CTNND1: variants seen among roughly 807,000 people sequenced by gnomAD.
The protein encoded by CTNND1 is catenin delta-1.
A neutral mutation model predicts 112.1 loss-of-function variants in CTNND1; 16 were observed. That is an observed-to-expected ratio of 0.14 (90% confidence interval 0.10 to 0.22). CTNND1 has a LOEUF of 0.22. CTNND1 is among the 10% of genes least tolerant of loss of function. The pLI is 1.00. For missense variants in CTNND1, 1,008 were observed against 1,257.0 expected (o/e 0.80, Z 3.00); for synonymous variants, 420 against 446.5 (o/e 0.94, Z 0.75).
chr11:57,807,605 CA>C (rs71470294), intron 12 of CTNND1, among the ~76,000 whole-genome samples: 1,526 of 29,180 alleles, frequency 0.052, 5 homozygotes, highest in African/African-American at 0.18. Flanking sequence ...AACTCCGTCT[CA>C]AAAAAAAAAA....
At chr11:57,808,061 C>T in intron 12 of CTNND1, 104 bp from the exon 13 acceptor site, 1 of 1,255,570 alleles carries the variant, frequency 8.0e-7, no homozygotes, top group Non-Finnish European at 1.1e-6. Flanking sequence ...GGTATAGAAG[C>T]ATAAATCCAT....
chr11:57,815,527 TGTCTAA>T (rs1189879521), intron 19 of CTNND1, 27 bp downstream of exon 19: 50 of 1,509,956 alleles, frequency 3.3e-5, no homozygotes, highest in Non-Finnish European at 4.4e-5. Flanking sequence ...TACTGCTATC[TGTCTAA>T]GGCTAGTTCT....
At chr11:57,796,394 A>T in intron 5 of CTNND1, 63 bp from the exon 6 acceptor site, 1 of 1,468,918 alleles carries the variant, frequency 6.8e-7, no homozygotes, top group African/African-American at 1.4e-5. Flanking sequence ...CTCAAAAAAA[A>T]AAAAAGAATT....
Position 57,807,058 on chromosome 11 carries a change from GA to G in CTNND1, c.1963+76del. ...TAAGATATTTAGTAACCTAACAGCA[GA>G]CTTTATGTAATACGTTTATTGTCCT... On this transcript the variant is annotated intron_variant, in intron 12 of 20. Coordinates refer to ENST00000399050, the MANE Select transcript of CTNND1 (RefSeq NM_001085458.2). 3 of 1,151,916 alleles carry G rather than the reference GA, an allele frequency of 2.6e-6. No homozygotes were observed. In the South Asian group the frequency reaches 4.1e-5, roughly 16 times the overall value. The allele number at this position is 1,151,916 out of a possible 1,614,324, so 71.4% of individuals were successfully genotyped here.
chr11:57,762,150 T>C (rs183926740), intron 1 of CTNND1, 31 bp downstream of exon 1: 1 of 937,352 alleles, frequency 1.1e-6, no homozygotes, highest in African/African-American at 1.8e-5. Context: ...AACGGGAGAG[T>C]CTGTTATGCT....
At chr11:57,809,493 C>A (rs566839413) in intron 15 of CTNND1, 27 bp downstream of exon 15, 6 of 1,578,820 alleles carry the variant, frequency 3.8e-6, no homozygotes, top group South Asian at 2.3e-5. Context: ...AAATTACAGT[C>A]AAAAGAATTT....
chr11:57,790,556 T>TG (rs2060614808), intron 2 of CTNND1, among the ~76,000 whole-genome samples: 1 of 131,760 alleles, frequency 7.6e-6, no homozygotes, highest in Admixed American at 7.3e-5. Flanking sequence ...GTGTGTGTTT[T>TG]TTTTTTTTTT....
At chr11:57,808,631 T>A in intron 14 of CTNND1, 91 bp downstream of exon 14, 5 of 1,292,482 alleles carry the variant, frequency 3.9e-6, no homozygotes, top group African/African-American at 1.5e-5. Context: ...TTTATTGAAA[T>A]GACTGAAGGG....
In CTNND1 at chr11:57,791,406, T is replaced by C. The variant is rs2060727026; in HGVS notation, c.-73T>C. ...GTAGTGTGAAGTGAGGGGGTCTCTC[T>C]CCCTCCTTCTCCTTCCTCTGTGATT... On this transcript the variant is annotated 5_prime_UTR_variant, in exon 3 of 21. Transcript: ENST00000399050. 1 of 1,384,280 alleles carries C rather than the reference T, an allele frequency of 7.2e-7. No individual in the cohort carries two copies. Among genetic ancestry groups the C allele is most frequent in the Non-Finnish European group, 9.4e-7 (1 of 1,063,042 alleles). 85.7% of individuals were successfully genotyped at this position (1,384,280 alleles called of 1,614,324 possible). A position where few individuals can be genotyped will look rare whatever the true frequency, so the allele number is the denominator to read the frequency against.
chr11:57,803,561 C>T (rs553999981), intron 7 of CTNND1, 60 bp from the exon 8 acceptor site: 12 of 1,321,290 alleles, frequency 9.1e-6, no homozygotes, highest in South Asian at 4.4e-5. Context: ...TTCTCTTTGA[C>T]GTTCTTCAGA....
At chr11:57,802,520 A>C (rs2062113577) in intron 7 of CTNND1, among the ~76,000 whole-genome samples, 1 of 152,214 alleles carries the variant, frequency 6.6e-6, no homozygotes, top group African/African-American at 2.4e-5. Flanking sequence ...TGTGCTCTCT[A>C]ATTTACACTA....
chr11:57,797,842 CA>C lies in CTNND1; in HGVS notation c.956+871del, dbSNP rs771815069. On this transcript the variant is annotated intron_variant, in intron 6 of 20. Coordinates refer to ENST00000399050, the MANE Select transcript of CTNND1 (RefSeq NM_001085458.2). ...GGGCAACAAGAGCGAAACTCCACCT[CA>C]AAAAAAAAAAAAAAAAAAAACAACT... is the stretch of plus-strand genomic sequence containing the variant. Among the ~76,000 whole-genome samples, 52 of 68,934 alleles carry C rather than the reference CA, an allele frequency of 7.5e-4. No individual in the cohort carries two copies. In the South Asian group the frequency reaches 0.011, roughly 14 times the overall value. The allele number at this position is 68,934 out of a possible 152,430, so 45.2% of individuals were successfully genotyped here.
At position 57,809,352 on chromosome 11, in the gene CTNND1, C is replaced by T; in HGVS notation, c.2321C>T (p.Thr774Ile). ...QNSSWNFSEDTVISILNTINE... is the reference protein window; with the variant it reads ...QNSSWNFSEDIVISILNTINE... ...TCCTCTTGGAATTTCTCTGAGGACA[C>T]TGTCATCTCTATTTTGAACACTATC... is the stretch of plus-strand genomic sequence containing the variant. Residue 774 changes from threonine (T) to isoleucine (I), a missense_variant, in exon 15 of 21, where the codon ACT becomes ATT. This residue lies in a region of CTNND1 where 254 missense variants were observed against 279.5 expected (regional missense o/e 0.91). Coordinates refer to ENST00000399050, the MANE Select transcript of CTNND1 (RefSeq NM_001085458.2). The T allele has an allele frequency of 1.2e-6, 2 of 1,614,012 alleles. No individual in the cohort carries two copies. The highest frequency in any genetic ancestry group is 1.7e-6 in the Non-Finnish European group (2 of 1,179,854).
chr11:57,811,721 A>G (rs2063380144), intron 17 of CTNND1, among the ~76,000 whole-genome samples: 1 of 152,184 alleles, frequency 6.6e-6, no homozygotes, highest in Non-Finnish European at 1.5e-5. Context: ...TGAACTTAAA[A>G]CACTGGAAAG....
Position 57,811,474 on chromosome 11 carries a change from A to T in CTNND1, c.2626A>T (p.Asn876Tyr), listed in dbSNP as rs2063348988. Reference sequence around the variant, plus strand: ...TAGTACTCTCCCTCTCATTGACCGGAACCAAAAATCAGGTGCAGTATCCAG... The same window carrying T: ...TAGTACTCTCCCTCTCATTGACCGGTACCAAAAATCAGGTGCAGTATCCAG... The part of the protein sequence containing the change: ...DDSTLPLIDR[N>Y]QKSDKKPDRE... The change falls in exon 17 of 21, where the codon AAC becomes TAC. Residue 876 changes from asparagine (N) to tyrosine (Y), a missense_variant. By Grantham distance (143) the Asn-to-Tyr change is moderately radical. Transcript: ENST00000399050. 2.5e-6 allele frequency: 4 copies of T among 1,612,608 alleles called. No homozygotes were observed. Among genetic ancestry groups the T allele is most frequent in the Non-Finnish European group, 3.4e-6 (4 of 1,179,254 alleles).
At chr11:57,787,266 A>G (rs1361505865) in intron 1 of CTNND1, among the ~76,000 whole-genome samples, 3 of 152,248 alleles carry the variant, frequency 2.0e-5, no homozygotes, top group African/African-American at 7.2e-5. Context: ...CCTTTGTCCC[A>G]GAAACACTGG....
intron 6 of CTNND1, among the ~76,000 whole-genome samples, chr11:57,798,050 G>A (rs557507082): frequency 7.3e-5 from 11 of 151,594 alleles, no homozygotes; most frequent in Non-Finnish European, 1.0e-4. Flanking sequence ...TTCTGATTTG[G>A]TATTAAGAAC....
rs776366066 is a variant in CTNND1 at position 57,804,742 on chromosome 11, G to A, written c.1684G>A (p.Val562Ile). The A allele has an allele frequency of 1.2e-5, 20 of 1,613,892 alleles. No homozygotes were observed. Among genetic ancestry groups the A allele is most frequent in the Non-Finnish European group, 1.7e-5 (20 of 1,179,848 alleles). Reference sequence around the variant, plus strand: ...TTTAGTTGATGCCCTCATTTTCATTGTTCAGGCTGAGATTGGGCAGAAGGA... The same window carrying A: ...TTTAGTTGATGCCCTCATTTTCATTATTCAGGCTGAGATTGGGCAGAAGGA... ...DGLVDALIFI[V>I]QAEIGQKDSD... Residue 562 changes from valine (V) to isoleucine (I), a missense_variant, in exon 9 of 21, where the codon GTT becomes ATT. Transcript: ENST00000399050.
chr11:57,804,453 T>C (rs1270509579), intron 8 of CTNND1, among the ~76,000 whole-genome samples: 1 of 152,190 alleles, frequency 6.6e-6, no homozygotes, highest in East Asian at 1.9e-4. Flanking sequence ...ATCTGGTACA[T>C]ATCATTAATC....
Sources: allele counts gnomAD v4.1 joint callset (sites outside exome capture counted in the v4.1 genomes callset), GRCh38; gene constraint gnomAD v4.1.1; regional missense constraint gnomAD v4.1.1; transcripts MANE v1.5; gene names NCBI Gene and HGNC (gene_info 2026-07-23, HGNC 2026-07-21).